The following RHOH variants were observed in gnomAD, a reference collection of about 807,000 sequenced individuals.
RHOH encodes rho-related GTP-binding protein RhoH.
Under a neutral mutation model 13.8 loss-of-function variants are expected in RHOH, and 6 were observed. That is an observed-to-expected ratio of 0.44 (90% CI 0.24 to 0.86). The LOEUF is 0.86. Among genes scored for constraint, RHOH ranks in the 40% least tolerant of loss-of-function variants. RHOH has a pLI of 0.24. For missense variants in RHOH, 147 were observed against 244.5 expected (o/e 0.60, Z 2.66); for synonymous variants, 117 against 103.0 (o/e 1.14, Z -0.82).
chr4:40,197,634 G>A (rs1055801053), intron 1 of RHOH, among the ~76,000 whole-genome samples: 4 of 152,166 alleles, frequency 2.6e-5, no homozygotes, highest in Non-Finnish European at 4.4e-5. Flanking sequence ...GTTTGATGAA[G>A]TAAATCTAAA....
intron 1 of RHOH, among the ~76,000 whole-genome samples, chr4:40,221,072 T>G (rs926916445): frequency 3.3e-5 from 5 of 152,252 alleles, no homozygotes; most frequent in Admixed American, 6.5e-5. Context: ...CTCTTCTCCC[T>G]TAGGCAATTG....
intron 1 of RHOH, among the ~76,000 whole-genome samples, chr4:40,228,950 AG>A (rs1435041200): frequency 1.3e-5 from 2 of 152,174 alleles, no homozygotes; most frequent in Non-Finnish European, 2.9e-5. Context: ...GGGAGGGCCG[AG>A]GGAAGTTAGT....
chr4:40,229,256 G>C (rs1030659830), intron 1 of RHOH, among the ~76,000 whole-genome samples: 1 of 152,144 alleles, frequency 6.6e-6, no homozygotes, highest in African/African-American at 2.4e-5. Context: ...TCAAATACTT[G>C]AAAAAGTCAC....
rs1729524068 is a variant in RHOH at position 40,243,584 on chromosome 4, A to G, written c.198A>G (p.Arg66=). The change falls in exon 3 of 3, where the codon AGA becomes AGG. Residue 66 remains arginine, a synonymous_variant. Transcript: ENST00000381799. The surrounding 1 kb of genome is among the most constrained non-coding windows in gnomAD (Gnocchi z 6.2). ...LWDTAGNDAF[R]SIRPLSYQQA... ...ACACAGCCGGCAATGACGCCTTCAG[A>G]AGCATCCGGCCCCTGTCCTACCAGC... is the stretch of plus-strand genomic sequence containing the variant. 6.2e-7 allele frequency: 1 copy of G among 1,613,992 alleles called. No homozygotes were observed. Among genetic ancestry groups the G allele is most frequent in the South Asian group, 1.1e-5 (1 of 91,086 alleles).
At chr4:40,239,840 T>C (rs1320525865) in intron 1 of RHOH, among the ~76,000 whole-genome samples, 1 of 151,200 alleles carries the variant, frequency 6.6e-6, no homozygotes, top group Non-Finnish European at 1.5e-5. Context: ...ATCACACCAC[T>C]GCACTCCAGC....
chr4:40,234,118 C>G (rs1728273687), intron 1 of RHOH, among the ~76,000 whole-genome samples: 1 of 152,054 alleles, frequency 6.6e-6, no homozygotes, highest in Admixed American at 6.6e-5. Context: ...CCTTTTTGCT[C>G]TCTTTTTCCT....
At chr4:40,191,930 G>A (rs1306643252), upstream of RHOH, among the ~76,000 whole-genome samples, 1 of 150,448 alleles carries the variant, frequency 6.6e-6, no homozygotes, top group East Asian at 1.9e-4. Flanking sequence ...TGGTTAGGGA[G>A]GCTGGTTTTT....
intron 1 of RHOH, among the ~76,000 whole-genome samples, chr4:40,230,782 CAAG>C: frequency 6.6e-6 from 1 of 152,112 alleles, no homozygotes; most frequent in East Asian, 1.9e-4. Context: ...ATCTCCTTTG[CAAG>C]GAGGAGAGAA....
rs1439717001 is a variant in RHOH, at chr4:40,243,748, G to A, written c.362G>A (p.Arg121Gln). 4 of 1,613,900 alleles carry A rather than the reference G, an allele frequency of 2.5e-6. No homozygotes were observed. The highest frequency in any genetic ancestry group is 3.4e-6 in the Non-Finnish European group (4 of 1,180,028). ...GTGGTGGCCACCCAGACTGACCAGCGGGAGATGGGGCCCCACAGGGCCTCC... is the reference window on the plus strand; with the variant it reads ...GTGGTGGCCACCCAGACTGACCAGCAGGAGATGGGGCCCCACAGGGCCTCC... ...VLVVATQTDQREMGPHRASCV... is the reference protein window; with the variant it reads ...VLVVATQTDQQEMGPHRASCV... Residue 121 changes from arginine to glutamine, a missense_variant, in exon 3 of 3, where the codon CGG becomes CAG. By Grantham distance (43) the Arg-to-Gln change is conservative. Coordinates refer to ENST00000381799, the MANE Select transcript of RHOH (RefSeq NM_004310.5). The surrounding 1 kb of genome is among the most constrained non-coding windows in gnomAD (Gnocchi z 6.2).
chr4:40,216,394 G>A (rs764212793), intron 1 of RHOH, among the ~76,000 whole-genome samples: 16 of 151,846 alleles, frequency 1.1e-4, no homozygotes, highest in Non-Finnish European at 1.8e-4. Flanking sequence ...GCTTCAACCC[G>A]GGAGGCAGAG....
chr4:40,220,618 A>T (rs4974975), intron 1 of RHOH, among the ~76,000 whole-genome samples: 17,319 of 151,982 alleles, frequency 0.11, 1,417 homozygotes, highest in East Asian at 0.42. Flanking sequence ...AAAAAAAAAA[A>T]TTTTTTTAAC....
rs145980581 is a variant in RHOH at position 40,237,454 on chromosome 4, C to CA, written c.-330-5244dup. On this transcript the variant is annotated intron_variant, in intron 1 of 2. Coordinates refer to ENST00000381799, the MANE Select transcript of RHOH (RefSeq NM_004310.5). Reference sequence around the variant, plus strand: ...TGGGGGACAGAGTGAGACTCCGTCTCAAAAAAAAAAAAAAAAGAACAAAGC... The same window carrying CA: ...TGGGGGACAGAGTGAGACTCCGTCTCAAAAAAAAAAAAAAAAAGAACAAAGC... Among the ~76,000 whole-genome samples the CA allele has an allele frequency of 9.8e-4, 134 of 136,464 alleles. 2 individuals are homozygous for CA. The highest frequency in any genetic ancestry group is 4.0e-3 in the Middle Eastern group (1 of 252). 89.5% of individuals were successfully genotyped at this position (136,464 alleles called of 152,430 possible).
chr4:40,231,030 G>A (rs779526073), intron 1 of RHOH, among the ~76,000 whole-genome samples: 6 of 152,088 alleles, frequency 3.9e-5, no homozygotes, highest in African/African-American at 9.7e-5. Context: ...TAGCACATGC[G>A]TATCGTGGAC....
At chr4:40,230,735 G>A (rs1727830970) in intron 1 of RHOH, among the ~76,000 whole-genome samples, 1 of 152,100 alleles carries the variant, frequency 6.6e-6, no homozygotes, top group South Asian at 2.1e-4. Context: ...GCTATGAACA[G>A]CTGTGATTCA....
intron 1 of RHOH, among the ~76,000 whole-genome samples, chr4:40,235,608 A>AAT (rs1728471496): frequency 6.9e-6 from 1 of 145,380 alleles, no homozygotes; most frequent in South Asian, 2.2e-4. Flanking sequence ...AAAAAAAAAA[A>AAT]GAAAAAAGAA....
chr4:40,192,560 G>A (rs1303393234), upstream of RHOH, among the ~76,000 whole-genome samples: 1 of 151,936 alleles, frequency 6.6e-6, no homozygotes. Flanking sequence ...ATGAGTTCAG[G>A]GTACACAAGT....
intron 1 of RHOH, among the ~76,000 whole-genome samples, chr4:40,236,605 A>G (rs985175216): frequency 6.7e-6 from 1 of 149,744 alleles, no homozygotes; most frequent in African/African-American, 2.4e-5. Flanking sequence ...CCTGGCCAAC[A>G]TGGTGAAACC....
chr4:40,224,478 A>G (rs901641121), intron 1 of RHOH, among the ~76,000 whole-genome samples: 3 of 152,262 alleles, frequency 2.0e-5, no homozygotes, highest in African/African-American at 7.2e-5. Flanking sequence ...AAGGACTTAA[A>G]GGATGGAGTG....
intron 1 of RHOH, among the ~76,000 whole-genome samples, chr4:40,224,292 G>T (rs7677758): frequency 0.77 from 117,597 of 152,188 alleles, 45,631 homozygotes; most frequent in Admixed American, 0.81. Context: ...TAACCCCTGC[G>T]TCTTAATGGA....
Sources: gnomAD v4.1 joint callset for allele counts (sites outside exome capture counted in the v4.1 genomes callset) on GRCh38, gnomAD v4.1.1 for gene constraint, Gnocchi (gnomAD v3.1) non-coding constraint, MANE v1.5 for transcripts, NCBI Gene and HGNC (gene_info 2026-07-23, HGNC 2026-07-21) for gene names.